CFAP44: variants seen among roughly 807,000 people sequenced by gnomAD.
CFAP44 encodes cilia- and flagella-associated protein 44.
Under a neutral mutation model 216.2 loss-of-function variants are expected in CFAP44, and 134 were observed. The ratio of observed to expected loss-of-function variants is 0.62; its 90% CI spans 0.54 to 0.72. The LOEUF (loss-of-function observed/expected upper bound fraction) is 0.72, where lower values mean the gene tolerates loss of function less well. Among genes scored for constraint, CFAP44 ranks in the 30% least tolerant of loss-of-function variants. The pLI, the probability that CFAP44 is intolerant of heterozygous loss-of-function variation, is 0.00. For missense variants in CFAP44, 2,035 were observed against 2,182.1 expected, an observed-to-expected ratio of 0.93 and a Z score of 1.34; for synonymous variants, 700 against 727.6, an observed-to-expected ratio of 0.96 and a Z score of 0.61.
chr3:113,398,213 A>G (rs1934044654), intron 13 of CFAP44, among the ~76,000 whole-genome samples: 1 of 152,214 alleles, frequency 6.6e-6, no homozygotes, highest in Non-Finnish European at 1.5e-5. Flanking sequence ...TCTAGTGGGA[A>G]GACAATAAAG....
Position 113,287,074 on chromosome 3 carries a change from C to T in CFAP44, c.*4483G>A, listed in dbSNP as rs945283326. ...TTGGAGAGGGAAAATAAAGAAGCTG[C>T]CACCTAACAGGAGTCACCCAGGAAA... is the stretch of plus-strand genomic sequence containing the variant. On this transcript the variant is annotated 3_prime_UTR_variant, in exon 35 of 35. Transcript: ENST00000393845. The T allele has an allele frequency of 1.5e-5, 9 of 617,404 alleles. No individual in the cohort carries two copies. Among genetic ancestry groups the T allele is most frequent in the African/African-American group, 1.5e-4 (8 of 54,896 alleles). 38.2% of individuals were successfully genotyped at this position (617,404 alleles called of 1,614,324 possible).
At chr3:113,324,714 TAGCCATGC>T (rs1214341172) in intron 28 of CFAP44, among the ~76,000 whole-genome samples, 1 of 152,222 alleles carries the variant, frequency 6.6e-6, no homozygotes, top group Admixed American at 6.5e-5. Flanking sequence ...CTGGATGTTC[TAGCCATGC>T]AATAAGGCCA....
intron 2 of CFAP44, among the ~76,000 whole-genome samples, chr3:113,429,560 A>G (rs1935049067): frequency 6.6e-6 from 1 of 152,052 alleles, no homozygotes; most frequent in Admixed American, 6.6e-5. Flanking sequence ...TCTTGTTTTT[A>G]TTAGCCATGC....
rs1489482798 is a variant in CFAP44 at position 113,358,751 on chromosome 3, T to TTA, written c.3058_3059insTA (p.Lys1020IlefsTer20). 1 of 1,536,490 alleles carries TTA rather than the reference T, an allele frequency of 6.5e-7. No homozygotes were observed. The highest frequency in any genetic ancestry group is 8.7e-7 in the Non-Finnish European group (1 of 1,146,450). On this transcript the variant is annotated frameshift_variant, in exon 22 of 35. Transcript: ENST00000393845. LOFTEE classifies it high-confidence loss of function. ...TAGAGAATATGGATCCTACCGATTC[T>TTA]TTAGCTTCATTAGGCCGAGTTCATG...
chr3:113,357,403 A>G (rs1317392593), intron 22 of CFAP44, among the ~76,000 whole-genome samples: 1 of 152,222 alleles, frequency 6.6e-6, no homozygotes, highest in Non-Finnish European at 1.5e-5. Context: ...GGACACAGAG[A>G]TGGACATACA....
chr3:113,313,663 G>C (rs749958316), intron 28 of CFAP44, among the ~76,000 whole-genome samples: 2 of 151,942 alleles, frequency 1.3e-5, no homozygotes, highest in African/African-American at 4.8e-5. Flanking sequence ...TCATGGGGGC[G>C]GTTTCCCCCA....
At position 113,400,647 on chromosome 3, in the gene CFAP44, G is replaced by C. The variant is rs768038182; in HGVS notation, c.1375-3C>G. On this transcript the variant is annotated splice_polypyrimidine_tract_variant and splice_region_variant and intron_variant, in intron 11 of 34. Coordinates refer to ENST00000393845, the MANE Select transcript of CFAP44 (RefSeq NM_001164496.2). ...AAGAGGCATTCTGGGTCCTGGGTCT[G>C]AGAATAGATAGACAGCTTACTAGAT... The C allele has an allele frequency of 1.2e-6, 2 of 1,608,274 alleles. No individual in the cohort carries two copies. The highest frequency in any genetic ancestry group is 1.7e-6 in the Non-Finnish European group (2 of 1,177,074).
intron 32 of CFAP44, among the ~76,000 whole-genome samples, chr3:113,303,593 T>G (rs1369475661): frequency 1.3e-5 from 2 of 152,184 alleles, no homozygotes; most frequent in Non-Finnish European, 2.9e-5. Context: ...TAGAAAGAGA[T>G]GGGGCTTCGA....
At chr3:113,294,920 G>T in intron 33 of CFAP44, 99 bp from the exon 34 acceptor site, 1 of 1,315,030 alleles carries the variant, frequency 7.6e-7, no homozygotes, top group Non-Finnish European at 1.0e-6. Flanking sequence ...GGCAAATGGA[G>T]CAATGTGCCC....
chr3:113,410,646 C>A (rs1427403556), intron 6 of CFAP44, among the ~76,000 whole-genome samples: 1 of 152,156 alleles, frequency 6.6e-6, no homozygotes, highest in Non-Finnish European at 1.5e-5. Flanking sequence ...GATTTATAAT[C>A]CTTTGGGTAT....
At position 113,412,829 on chromosome 3, in the gene CFAP44, A is replaced by T. The variant is rs1934525836; in HGVS notation, c.674-3507T>A. Among the ~76,000 whole-genome samples the T allele has an allele frequency of 1.3e-5, 2 of 152,160 alleles. 1 individual carries two copies. Among genetic ancestry groups the T allele is most frequent in the South Asian group, 4.1e-4 (2 of 4,824 alleles). ...TGCTATTGTAAATAGTGTTGTAATA[A>T]ACATACGTGTGCATGTCTCTTTACA... On this transcript the variant is annotated intron_variant, in intron 6 of 34. Transcript: ENST00000393845.
chr3:113,419,988 G>A, intron 5 of CFAP44, 29 bp downstream of exon 5: 1 of 1,601,714 alleles, frequency 6.2e-7, no homozygotes, highest in South Asian at 1.1e-5. Context: ...GGTTTTTTGG[G>A]GTTTTTTTCT....
chr3:113,423,603 G>A (rs78603396), intron 4 of CFAP44, among the ~76,000 whole-genome samples: 4,648 of 152,174 alleles, frequency 0.031, 116 homozygotes, highest in East Asian at 0.1. Context: ...AGCTTTCAAT[G>A]TTTTTTCATG....
intron 2 of CFAP44, among the ~76,000 whole-genome samples, chr3:113,429,390 A>T (rs962964418): frequency 6.6e-6 from 1 of 151,864 alleles, no homozygotes; most frequent in Non-Finnish European, 1.5e-5. Context: ...CACTGGTAGT[A>T]CTCTTTGCCT....
chr3:113,359,363 G>A (rs1950517865), intron 21 of CFAP44, among the ~76,000 whole-genome samples: 1 of 152,078 alleles, frequency 6.6e-6, no homozygotes, highest in South Asian at 2.1e-4. Flanking sequence ...GATACTTAGA[G>A]GTCTCATGTT....
At chr3:113,305,808 T>C (rs1949979883) in intron 30 of CFAP44, among the ~76,000 whole-genome samples, 1 of 152,176 alleles carries the variant, frequency 6.6e-6, no homozygotes, top group Non-Finnish European at 1.5e-5. Flanking sequence ...AAATTGAAAA[T>C]GTCAGAGTTT....
At chr3:113,362,979 C>G in intron 21 of CFAP44, 166 bp downstream of exon 21, 1 of 1,370,604 alleles carries the variant, frequency 7.3e-7, no homozygotes, top group Non-Finnish European at 9.4e-7. Context: ...GGGATAAACC[C>G]CACATACAAA....
chr3:113,340,617 G>A (rs1950323729), intron 24 of CFAP44, among the ~76,000 whole-genome samples: 1 of 152,206 alleles, frequency 6.6e-6, no homozygotes. Context: ...CTCTAGGGGA[G>A]CATACAGGCG....
chr3:113,396,428 C>T, intron 14 of CFAP44, 90 bp downstream of exon 14: 1 of 1,351,066 alleles, frequency 7.4e-7, no homozygotes, highest in Non-Finnish European at 1.0e-6. Context: ...AAATGAATTT[C>T]AGTAAATAAG....
Sources: allele counts gnomAD v4.1 joint callset (sites outside exome capture counted in the v4.1 genomes callset), GRCh38; gene constraint gnomAD v4.1.1; transcripts MANE v1.5; gene names NCBI Gene and HGNC (gene_info 2026-07-23, HGNC 2026-07-21).